NR1H4: variants seen among roughly 807,000 people sequenced by gnomAD.
NR1H4 encodes nuclear receptor subfamily 1 group H member 4, also known as bile acid receptor.
A neutral mutation model predicts 58.5 loss-of-function variants in NR1H4; 23 were observed. The ratio of observed to expected loss-of-function variants is 0.39; its 90% confidence interval spans 0.28 to 0.56. The LOEUF (loss-of-function observed/expected upper bound fraction) is 0.56, where lower values mean the gene tolerates loss of function less well. Among genes scored for constraint, NR1H4 ranks in the 20% least tolerant of loss-of-function variants. The pLI is 0.58. For synonymous variants in NR1H4, 214 were observed against 198.0 expected (o/e 1.08, Z -0.68); for missense variants, 487 against 576.9 (o/e 0.84, Z 1.60).
intron 1 of NR1H4, among the ~76,000 whole-genome samples, chr12:100,481,845 C>T (rs906884731): frequency 2.6e-5 from 4 of 151,864 alleles, no homozygotes; most frequent in African/African-American, 4.8e-5. Flanking sequence ...ACCCAGGAGG[C>T]GGAGCTTGCA....
chr12:100,480,444 A>C (rs1953354658), intron 1 of NR1H4, among the ~76,000 whole-genome samples: 1 of 152,202 alleles, frequency 6.6e-6, no homozygotes, highest in Non-Finnish European at 1.5e-5. Flanking sequence ...TTAGATCTAT[A>C]AGTTTAGAAA....
At chr12:100,520,653 C>A (rs1328617842) in intron 4 of NR1H4, among the ~76,000 whole-genome samples, 1 of 152,176 alleles carries the variant, frequency 6.6e-6, no homozygotes, top group Non-Finnish European at 1.5e-5. Context: ...CTTTCAATAC[C>A]CTCAAAGCTA....
chr12:100,544,891 A>G (rs939399235), intron 9 of NR1H4, among the ~76,000 whole-genome samples: 1 of 152,154 alleles, frequency 6.6e-6, no homozygotes, highest in Non-Finnish European at 1.5e-5. Flanking sequence ...ATTTGAGTGT[A>G]AGAAAAGGAA....
rs79306023 is a variant in NR1H4, at chr12:100,544,692, G to A, written c.1078+3874G>A. Among the ~76,000 whole-genome samples, 362 of 152,030 alleles carry A rather than the reference G, an allele frequency of 2.4e-3. 1 individual carries two copies. Among genetic ancestry groups the A allele is most frequent in the Middle Eastern group, 6.8e-3 (2 of 294 alleles). ...GCTCCACAAAATTCTGTGGAATAACGAAAAAAATGAATGAAGGTTTGTCCG... is the reference window on the plus strand; with the variant it reads ...GCTCCACAAAATTCTGTGGAATAACAAAAAAAATGAATGAAGGTTTGTCCG... On this transcript the variant is annotated intron_variant, in intron 9 of 10. Transcript: ENST00000392986.
At chr12:100,508,740 T>C (rs1352267172) in intron 3 of NR1H4, among the ~76,000 whole-genome samples, 2 of 152,192 alleles carry the variant, frequency 1.3e-5, no homozygotes, top group East Asian at 1.9e-4. Flanking sequence ...ATAATAATTA[T>C]AGTAATCGTT....
At chr12:100,509,660 T>TAAGTA (rs1954055722) in intron 3 of NR1H4, among the ~76,000 whole-genome samples, 1 of 152,226 alleles carries the variant, frequency 6.6e-6, no homozygotes, top group African/African-American at 2.4e-5. Context: ...ACACAGATTG[T>TAAGTA]AAGTAACAGA....
At chr12:100,512,631 A>T (rs1291693269) in intron 4 of NR1H4, among the ~76,000 whole-genome samples, 1 of 147,808 alleles carries the variant, frequency 6.8e-6, no homozygotes, top group Non-Finnish European at 1.5e-5. Flanking sequence ...ACTGAGCGAG[A>T]CTCCGTCTCC....
At chr12:100,545,351 T>C (rs908367950) in intron 9 of NR1H4, among the ~76,000 whole-genome samples, 2 of 151,862 alleles carry the variant, frequency 1.3e-5, no homozygotes, top group African/African-American at 4.8e-5. Flanking sequence ...TAGAAAGGCA[T>C]ATATAAGGCT....
At chr12:100,495,072 C>T (rs555561792) in intron 3 of NR1H4, among the ~76,000 whole-genome samples, 28 of 152,298 alleles carry the variant, frequency 1.8e-4, no homozygotes, top group Non-Finnish European at 3.8e-4. Context: ...GAAAAAGCCA[C>T]GAAGATGCCG....
At chr12:100,502,101 G>A (rs1953848788) in intron 3 of NR1H4, among the ~76,000 whole-genome samples, 1 of 152,168 alleles carries the variant, frequency 6.6e-6, no homozygotes, top group Admixed American at 6.5e-5. Context: ...GTTGTGCTAA[G>A]CATTTTATAA....
At position 100,561,918 on chromosome 12, in the gene NR1H4, GT is replaced by G. The variant is rs774805685; in HGVS notation, c.1117del (p.Tyr373IlefsTer7). 1 of 1,535,756 alleles carries G rather than the reference GT, an allele frequency of 6.5e-7. No homozygotes were observed. The highest frequency in any genetic ancestry group is 9.0e-7 in the Non-Finnish European group (1 of 1,109,060). On this transcript the variant is annotated frameshift_variant, in exon 10 of 11. Transcript: ENST00000392986. LOFTEE classifies it high-confidence loss of function. ...GATGAATATATAACACCTATGTTTAGTTTTTATAAAAGTATTGGGGAACTGA... is the reference window on the plus strand; with the variant it reads ...GATGAATATATAACACCTATGTTTAGTTTTATAAAAGTATTGGGGAACTGA... ...ISDEYITPMFSFYKSIGELKM... is the reference protein window; with the variant it reads ...ISDEYITPMFXFYKSIGELKM...
chr12:100,559,116 G>A lies in NR1H4; in HGVS notation c.1079-2769G>A, dbSNP rs528051607. On this transcript the variant is annotated intron_variant, in intron 9 of 10. Coordinates refer to ENST00000392986, the MANE Select transcript of NR1H4 (RefSeq NM_001206979.2). The stretch of plus-strand genomic sequence containing the variant: ...AGAAAATTAAAACTATATGCCTAAA[G>A]CCATGGGGAGGTTTAGAAGGTTTTT... 3.0e-4 allele frequency among the ~76,000 whole-genome samples: 46 copies of A among 152,188 alleles called. No homozygotes were observed. The South Asian group carries it at 5.4e-3, about 18-fold the overall frequency.
At chr12:100,561,171 C>T (rs1223369287) in intron 9 of NR1H4, among the ~76,000 whole-genome samples, 3 of 151,590 alleles carry the variant, frequency 2.0e-5, no homozygotes, top group Admixed American at 6.6e-5. Flanking sequence ...CCGAGGCGGG[C>T]GGATCACGAG....
At chr12:100,513,119 G>A (rs1204628423) in intron 4 of NR1H4, among the ~76,000 whole-genome samples, 5 of 152,132 alleles carry the variant, frequency 3.3e-5, no homozygotes, top group African/African-American at 9.7e-5. Context: ...GGAGAGTCAC[G>A]TCTGAATAGG....
At chr12:100,527,524 C>T (rs1284596855) in intron 4 of NR1H4, among the ~76,000 whole-genome samples, 7 of 152,082 alleles carry the variant, frequency 4.6e-5, no homozygotes, top group Admixed American at 6.5e-5. Flanking sequence ...AGAGCAAGAC[C>T]TTGTCTAAAA....
At chr12:100,540,569 C>G in intron 8 of NR1H4, 103 bp from the exon 9 acceptor site, 1 of 1,319,560 alleles carries the variant, frequency 7.6e-7, no homozygotes, top group Non-Finnish European at 1.1e-6. Flanking sequence ...CAATTTTAAA[C>G]AACTACAGAA....
intron 1 of NR1H4, among the ~76,000 whole-genome samples, chr12:100,476,890 AT>A (rs1038429797): frequency 6.6e-6 from 1 of 151,892 alleles, no homozygotes; most frequent in Admixed American, 6.6e-5. Flanking sequence ...CCACCTCAAA[AT>A]TTTTTTTAAA....
intron 9 of NR1H4, among the ~76,000 whole-genome samples, chr12:100,548,176 G>A (rs887506098): frequency 1.3e-5 from 2 of 149,490 alleles, no homozygotes; most frequent in East Asian, 4.1e-4. Flanking sequence ...GACCATCCTG[G>A]CTAACATGGT....
intron 1 of NR1H4, among the ~76,000 whole-genome samples, chr12:100,478,945 T>C (rs1214121745): frequency 2.0e-5 from 3 of 152,186 alleles, no homozygotes; most frequent in Non-Finnish European, 4.4e-5. Context: ...GTGAAAATGG[T>C]ATTTAGTTAT....
Sources: allele counts gnomAD v4.1 joint callset (sites outside exome capture counted in the v4.1 genomes callset), GRCh38; gene constraint gnomAD v4.1.1; transcripts MANE v1.5; gene names NCBI Gene and HGNC (gene_info 2026-07-23, HGNC 2026-07-21).